The following NKAIN2 variants were observed in gnomAD, a reference collection of about 807,000 sequenced individuals.
NKAIN2 encodes sodium/potassium transporting ATPase interacting 2.
Under a neutral mutation model 32.6 loss-of-function variants are expected in NKAIN2, and 14 were observed. The ratio of observed to expected loss-of-function variants is 0.43; its 90% CI spans 0.28 to 0.67. NKAIN2 has a LOEUF of 0.67. Ranked by LOEUF, NKAIN2 falls within the 30% of genes least tolerant of loss-of-function variation. The pLI is 0.17. For missense variants in NKAIN2, 198 were observed against 258.3 expected (o/e 0.77, Z 1.60); for synonymous variants, 80 against 87.2 (o/e 0.92, Z 0.46).
intron 1 of NKAIN2, among the ~76,000 whole-genome samples, chr6:123,942,533 C>A (rs1329496760): frequency 6.6e-6 from 1 of 151,950 alleles, no homozygotes; most frequent in Non-Finnish European, 1.5e-5. Context: ...CTAAATTTTA[C>A]CCTGGAGCTC....
chr6:124,058,374 G>A (rs1468656873), intron 1 of NKAIN2, among the ~76,000 whole-genome samples: 1 of 152,030 alleles, frequency 6.6e-6, no homozygotes, highest in African/African-American at 2.4e-5. Context: ...TCAGAAGCGT[G>A]AGAGTGAAAG....
At chr6:124,471,860 TAATC>T (rs1313554289) in intron 3 of NKAIN2, among the ~76,000 whole-genome samples, 1 of 152,156 alleles carries the variant, frequency 6.6e-6, no homozygotes, top group Non-Finnish European at 1.5e-5. Context: ...TAGGAGAAAA[TAATC>T]AAAATGAAAT....
At chr6:124,777,215 T>C (rs1779017920) in intron 4 of NKAIN2, among the ~76,000 whole-genome samples, 2 of 152,148 alleles carry the variant, frequency 1.3e-5, no homozygotes, top group South Asian at 4.1e-4. Flanking sequence ...CAGCTGCATA[T>C]AAAGGAAGAA....
intron 4 of NKAIN2, among the ~76,000 whole-genome samples, chr6:124,787,459 C>T (rs1388534237): frequency 1.3e-5 from 2 of 152,010 alleles, no homozygotes; most frequent in East Asian, 1.9e-4. Flanking sequence ...TAGAATTACT[C>T]ATTACTGGAG....
intron 5 of NKAIN2, among the ~76,000 whole-genome samples, chr6:124,815,416 C>T (rs540114650): frequency 1.3e-5 from 2 of 151,774 alleles, no homozygotes; most frequent in Admixed American, 6.6e-5. Flanking sequence ...ATTACAGACA[C>T]GCACCACCAT....
chr6:124,481,318 G>A (rs1695408550), intron 3 of NKAIN2, among the ~76,000 whole-genome samples: 1 of 152,010 alleles, frequency 6.6e-6, no homozygotes, highest in African/African-American at 2.4e-5. Context: ...TTGGGTCCCA[G>A]ATGCTACATT....
intron 4 of NKAIN2, among the ~76,000 whole-genome samples, chr6:124,778,830 T>C (rs1317097140): frequency 6.6e-6 from 1 of 152,038 alleles, no homozygotes; most frequent in Non-Finnish European, 1.5e-5. Flanking sequence ...TTAATACATA[T>C]ACTAGGGAGA....
At chr6:124,079,385 T>C (rs1475007875) in intron 1 of NKAIN2, among the ~76,000 whole-genome samples, 1 of 152,064 alleles carries the variant, frequency 6.6e-6, no homozygotes, top group African/African-American at 2.4e-5. Flanking sequence ...TATAGCAGAA[T>C]TGGTGAAAGA....
intron 3 of NKAIN2, among the ~76,000 whole-genome samples, chr6:124,446,186 T>C (rs963134006): frequency 1.3e-5 from 2 of 152,116 alleles, no homozygotes; most frequent in Non-Finnish European, 2.9e-5. Flanking sequence ...CTTTTGTTCC[T>C]CCATATTGCT....
chr6:123,976,578 C>G (rs1006767996), intron 1 of NKAIN2, among the ~76,000 whole-genome samples: 10 of 151,204 alleles, frequency 6.6e-5, no homozygotes, highest in Non-Finnish European at 1.3e-4. Context: ...CATTTTTGTT[C>G]AACTGAAAGG....
chr6:124,784,970 G>T (rs1340730126), intron 4 of NKAIN2, among the ~76,000 whole-genome samples: 2 of 152,044 alleles, frequency 1.3e-5, no homozygotes, highest in African/African-American at 4.8e-5. Flanking sequence ...TAGTAAGTTT[G>T]TGTCCTTTGC....
At chr6:124,598,325 A>T (rs916296302) in intron 3 of NKAIN2, among the ~76,000 whole-genome samples, 1 of 152,198 alleles carries the variant, frequency 6.6e-6, no homozygotes, top group East Asian at 1.9e-4. Context: ...ATCATGATCC[A>T]TAAAAGTGTC....
intron 3 of NKAIN2, among the ~76,000 whole-genome samples, chr6:124,448,297 G>A (rs1775974846): frequency 6.6e-6 from 1 of 152,048 alleles, no homozygotes; most frequent in African/African-American, 2.4e-5. Context: ...ATGACCCTCA[G>A]CCTACTTGAT....
chr6:124,652,100 T>C (rs1324121606), intron 3 of NKAIN2, among the ~76,000 whole-genome samples: 1 of 152,236 alleles, frequency 6.6e-6, no homozygotes, highest in African/African-American at 2.4e-5. Context: ...ATATTTTGCT[T>C]AGAAATTTCT....
intron 1 of NKAIN2, among the ~76,000 whole-genome samples, chr6:123,927,579 G>C (rs769480550): frequency 6.6e-6 from 1 of 152,190 alleles, no homozygotes; most frequent in East Asian, 1.9e-4. Context: ...TATAACTTAA[G>C]TTGTTTTAAC....
At chr6:124,127,637 G>A (rs1485231485) in intron 1 of NKAIN2, among the ~76,000 whole-genome samples, 2 of 152,138 alleles carry the variant, frequency 1.3e-5, no homozygotes, top group East Asian at 3.9e-4. Flanking sequence ...GAGGGGAAAA[G>A]CCTGGGCACA....
intron 1 of NKAIN2, among the ~76,000 whole-genome samples, chr6:124,014,420 T>A (rs1213782973): frequency 1.3e-5 from 2 of 152,136 alleles, no homozygotes; most frequent in Non-Finnish European, 2.9e-5. Context: ...TTCTACAAAG[T>A]AATTTTACAA....
intron 4 of NKAIN2, among the ~76,000 whole-genome samples, chr6:124,736,582 A>G (rs115020779): frequency 2.0e-3 from 308 of 152,102 alleles, no homozygotes; most frequent in African/African-American, 6.9e-3. Context: ...TGAAGCCAAG[A>G]CTTATTTACC....
At chr6:123,954,553 A>G (rs1285166417) in intron 1 of NKAIN2, among the ~76,000 whole-genome samples, 1 of 152,014 alleles carries the variant, frequency 6.6e-6, no homozygotes, top group African/African-American at 2.4e-5. Context: ...CTCTTAGATG[A>G]TTGTATTTGA....
Sources: gnomAD v4.1 joint callset for allele counts (sites outside exome capture counted in the v4.1 genomes callset) on GRCh38, gnomAD v4.1.1 for gene constraint, MANE v1.5 for transcripts, NCBI Gene and HGNC (gene_info 2026-07-23, HGNC 2026-07-21) for gene names.